The following ZNF208 variants were observed in gnomAD, a reference collection of about 807,000 sequenced individuals.
The protein encoded by ZNF208 is zinc finger protein 95.
A neutral mutation model predicts 12.1 loss-of-function variants in ZNF208; 10 were observed. The ratio of observed to expected loss-of-function variants is 0.83; its 90% CI spans 0.51 to 1.40. The LOEUF (loss-of-function observed/expected upper bound fraction) is 1.40, where lower values mean the gene tolerates loss of function less well. ZNF208 is among the 40% of genes most tolerant of loss of function. The probability of loss-of-function intolerance (pLI) is 0.00; values close to 1 mark genes in which losing one functional copy is unlikely to be tolerated. For missense variants in ZNF208, 1,652 were observed against 1,485.0 expected, an observed-to-expected ratio of 1.11 and a Z score of -1.85; for synonymous variants, 497 against 488.4, an observed-to-expected ratio of 1.02 and a Z score of -0.23.
chr19:21,993,584 C>T lies in ZNF208; in HGVS notation c.4-4675G>A, dbSNP rs561145823. Reference sequence around the variant, plus strand: ...TAAAATCACTTGGTAATTTTGGCCCCACTCTATGAAATGTAATTCTGCAGG... The same window carrying T: ...TAAAATCACTTGGTAATTTTGGCCCTACTCTATGAAATGTAATTCTGCAGG... On this transcript the variant is annotated intron_variant, in intron 1 of 3. Transcript: ENST00000397126. 2.6e-5 allele frequency among the ~76,000 whole-genome samples: 4 copies of T among 152,280 alleles called. No homozygotes were observed. In the South Asian group the frequency reaches 8.3e-4, roughly 32 times the overall value.
At chr19:22,005,542 G>A (rs549181916) in intron 1 of ZNF208, among the ~76,000 whole-genome samples, 125 of 152,136 alleles carry the variant, frequency 8.2e-4, no homozygotes, top group African/African-American at 2.9e-3. Context: ...CTTGAATTCT[G>A]ACACCACCCA....
chr19:21,971,866 G>C lies in ZNF208; in HGVS notation c.3168C>G (p.Pro1056=). Residue 1056 remains proline (P), a synonymous_variant, in exon 4 of 4, where the codon CCC becomes CCG. Transcript: ENST00000397126. ...CTTTGCCACATTCTTCACATTTGTA[G>C]GGTTTTTCTCCAGCATGAGTTGCCT... ...EHKATHAGEK[P]YKCEECGKAF... The C allele has an allele frequency of 1.2e-6, 2 of 1,613,248 alleles. No homozygotes were observed. Among genetic ancestry groups the C allele is most frequent in the Non-Finnish European group, 1.7e-6 (2 of 1,179,610 alleles).
In ZNF208 at chr19:21,977,138, C is replaced by CGT. The variant is rs565635752; in HGVS notation, c.227-2333_227-2332dup. Among the ~76,000 whole-genome samples the CGT allele has an allele frequency of 5.1e-3, 780 of 152,168 alleles. 4 individuals are homozygous for CGT. Among genetic ancestry groups the CGT allele is most frequent in the African/African-American group, 0.017 (721 of 41,516 alleles). On this transcript the variant is annotated intron_variant, in intron 3 of 3. Transcript: ENST00000397126. ...TCAGAACCTGTGAAAACGTTGAATA[C>CGT]GTGTGTGTGTGTATCACACATTAGG...
chr19:21,952,587 T>G (rs1025420760), intron 4 of ZNF208, among the ~76,000 whole-genome samples: 1 of 152,104 alleles, frequency 6.6e-6, no homozygotes, highest in Non-Finnish European at 1.5e-5. Context: ...AGAGACCTGT[T>G]AGAAAGAAAA....
chr19:21,987,176 C>T (rs373394819), intron 3 of ZNF208, 40 bp downstream of exon 3: 173 of 1,586,658 alleles, frequency 1.1e-4, no homozygotes, highest in East Asian at 2.5e-4. Flanking sequence ...CCTTGACTTT[C>T]GACCTCTCAT....
At chr19:21,950,422 C>G (rs1191999509) in intron 4 of ZNF208, among the ~76,000 whole-genome samples, 1 of 151,896 alleles carries the variant, frequency 6.6e-6, no homozygotes, top group Non-Finnish European at 1.5e-5. Flanking sequence ...AAGTTCCTCT[C>G]CAAATCTGTC....
At chr19:21,984,792 A>AAAT (rs909687504) in intron 3 of ZNF208, among the ~76,000 whole-genome samples, 4 of 152,194 alleles carry the variant, frequency 2.6e-5, no homozygotes, top group Non-Finnish European at 5.9e-5. Flanking sequence ...AACAATCTTA[A>AAAT]AATAATAATA....
rs1970348021 is a variant in ZNF208, at chr19:21,973,296, G to A, written c.1738C>T (p.Pro580Ser). 1 of 1,610,638 alleles carries A rather than the reference G, an allele frequency of 6.2e-7. No homozygotes were observed. Among genetic ancestry groups the A allele is most frequent in the Non-Finnish European group, 8.5e-7 (1 of 1,178,502 alleles). Residue 580 changes from proline to serine, a missense_variant, in exon 4 of 4, where the codon CCC becomes TCC. Around this residue, in one of 3 missense-constraint regions of ZNF208, gnomAD observed 1,239 missense variants for 1,086.2 expected, o/e 1.14. Coordinates refer to ENST00000397126, the MANE Select transcript of ZNF208 (RefSeq NM_007153.3). The part of the protein sequence containing the change: ...YHKKIHTVEK[P>S]YKCEECGKAF... ...TTGCCACATTCTTCACATTTGTAGG[G>A]TTTCTCTACAGTATGAATTTTCTTA...
chr19:22,006,293 C>T (rs1971043014), intron 1 of ZNF208, among the ~76,000 whole-genome samples: 1 of 152,112 alleles, frequency 6.6e-6, no homozygotes, highest in African/African-American at 2.4e-5. Context: ...AAGCCCTTTT[C>T]TACCTAATCT....
intron 4 of ZNF208, among the ~76,000 whole-genome samples, chr19:21,944,997 A>T (rs987226363): frequency 1.3e-5 from 2 of 152,224 alleles, no homozygotes; most frequent in Admixed American, 1.3e-4. Context: ...CAGCATGCAC[A>T]TTTTGATTTT....
intron 1 of ZNF208, among the ~76,000 whole-genome samples, chr19:21,990,323 C>A (rs900753274): frequency 6.6e-6 from 1 of 152,182 alleles, no homozygotes; most frequent in African/African-American, 2.4e-5. Context: ...TTTCCCAGCA[C>A]CATTTATTAA....
Position 21,992,432 on chromosome 19 carries a change from C to A in ZNF208, c.4-3523G>T, listed in dbSNP as rs1262368741. Among the ~76,000 whole-genome samples, 2 of 152,188 alleles carry A rather than the reference C, an allele frequency of 1.3e-5. 1 individual carries two copies. Among genetic ancestry groups the A allele is most frequent in the African/African-American group, 4.8e-5 (2 of 41,458 alleles). On this transcript the variant is annotated intron_variant, in intron 1 of 3. Coordinates refer to ENST00000397126, the MANE Select transcript of ZNF208 (RefSeq NM_007153.3). ...ATTTTTAGTAGTGATTTTAAATAGTCTTTCTTTAGCACTGTAGAAAGCGGG... is the reference window on the plus strand; with the variant it reads ...ATTTTTAGTAGTGATTTTAAATAGTATTTCTTTAGCACTGTAGAAAGCGGG...
In ZNF208 at chr19:21,972,897, T is replaced by C. The variant is rs367984435; in HGVS notation, c.2137A>G (p.Arg713Gly). ...NWSSNLMEHK[R>G]IHTGEKPYKC... is the part of the protein sequence containing the mutation. ...TAGGGTTTCTCTCCAGTATGAATTC[T>C]CTTATGTTCCATAAGGTTTGAGGAC... The change falls in exon 4 of 4, where the codon AGA (arginine) becomes GGA (glycine). Residue 713 changes from arginine (R) to glycine (G), a missense_variant. By Grantham distance (125) the Arg-to-Gly change is moderately radical. Around this residue, in one of 3 missense-constraint regions of ZNF208, gnomAD observed 1,239 missense variants for 1,086.2 expected, o/e 1.14. Transcript: ENST00000397126. 59 of 1,613,026 alleles carry C rather than the reference T, an allele frequency of 3.7e-5. No homozygotes were observed. The highest frequency in any genetic ancestry group is 4.7e-5 in the Non-Finnish European group (56 of 1,179,546).
chr19:22,005,868 C>G (rs573908950), intron 1 of ZNF208, among the ~76,000 whole-genome samples: 1 of 152,102 alleles, frequency 6.6e-6, no homozygotes, highest in Non-Finnish European at 1.5e-5. Flanking sequence ...GTAAAATTCT[C>G]TATCCTCTGT....
Position 21,974,711 on chromosome 19 carries a change from T to A in ZNF208, c.323A>T (p.His108Leu), listed in dbSNP as rs567221926. Residue 108 changes from histidine (H) to leucine (L), a missense_variant, in exon 4 of 4, where the codon CAT (histidine) becomes CTT (leucine). Around this residue, in one of 3 missense-constraint regions of ZNF208, gnomAD observed 410 missense variants for 378.2 expected, o/e 1.08. Transcript: ENST00000397126. ...VILRRYEKCG[H>L]ENLHLKIGYT... ...ACCAATTTTTAAGTGTAAATTCTCA[T>A]GTCCACATTTTTCATACCTTCTCAA... 1.2e-6 allele frequency: 2 copies of A among 1,613,598 alleles called. No homozygotes were observed.
In ZNF208 at chr19:21,972,304, A is replaced by C; in HGVS notation, c.2730T>G (p.Ile910Met). The change falls in exon 4 of 4, where the codon ATT becomes ATG. Residue 910 changes from isoleucine to methionine, a missense_variant. Ile to Met is a conservative substitution (Grantham distance 10). This residue lies in a region of ZNF208 where 1,239 missense variants were observed against 1,086.2 expected (regional missense o/e 1.14). Coordinates refer to ENST00000397126, the MANE Select transcript of ZNF208 (RefSeq NM_007153.3). ...ATTTGTAGGGTTTCTCTCCAGTATG[A>C]ATTACCTCATGTTTAGTAAGGATGG... Reference protein sequence around the residue: ...MFSILTKHEVIHTGEKPYKCE... With the variant: ...MFSILTKHEVMHTGEKPYKCE... 6.2e-7 allele frequency: 1 copy of C among 1,613,722 alleles called. No individual in the cohort carries two copies. Among genetic ancestry groups the C allele is most frequent in the Non-Finnish European group, 8.5e-7 (1 of 1,179,916 alleles).
chr19:21,954,927 C>A (rs540798830), intron 4 of ZNF208, among the ~76,000 whole-genome samples: 37 of 152,260 alleles, frequency 2.4e-4, no homozygotes, highest in African/African-American at 8.4e-4. Context: ...TTCCTACCAT[C>A]GATGGTCTTT....
Position 21,973,079 on chromosome 19 carries a change from A to C in ZNF208, c.1955T>G (p.Leu652Arg). The change falls in exon 4 of 4, where the codon CTT becomes CGT. Residue 652 changes from leucine to arginine, a missense_variant. By Grantham distance (102) the Leu-to-Arg change is moderately radical. Transcript: ENST00000397126. ...CGKTFIKVST[L>R]TTHKAIHAGE... is the part of the protein sequence containing the mutation. ...AGCATGAATTGCCTTATGTGTAGTA[A>C]GGGTTGAGACCTTAATAAAGGTTTT... 1 of 1,600,524 alleles carries C rather than the reference A, an allele frequency of 6.2e-7. No individual in the cohort carries two copies. The highest frequency in any genetic ancestry group is 8.5e-7 in the Non-Finnish European group (1 of 1,172,006).
intron 4 of ZNF208, among the ~76,000 whole-genome samples, chr19:21,958,235 C>A (rs1970008692): frequency 6.6e-6 from 1 of 151,852 alleles, no homozygotes; most frequent in Non-Finnish European, 1.5e-5. Context: ...TTCTCATGAA[C>A]TTCTAGTCTC....
Sources: gnomAD v4.1 joint callset for allele counts (sites outside exome capture counted in the v4.1 genomes callset) on GRCh38, gnomAD v4.1.1 for gene constraint, gnomAD v4.1.1 regional missense constraint, MANE v1.5 for transcripts, NCBI Gene and HGNC (gene_info 2026-07-23, HGNC 2026-07-21) for gene names.